Variants in NEGR1 observed in about 807,000 individuals in gnomAD.
NEGR1 encodes neuronal growth regulator 1, also known as IgLON family member 4.
In NEGR1, 10 loss-of-function variants were observed where a neutral mutation model predicts 40.9. The ratio of observed to expected loss-of-function variants is 0.24; its 90% CI spans 0.15 to 0.42. The LOEUF (loss-of-function observed/expected upper bound fraction) is 0.42, where lower values mean the gene tolerates loss of function less well. Among genes scored for constraint, NEGR1 ranks in the 10% least tolerant of loss-of-function variants. The pLI, the probability that NEGR1 is intolerant of heterozygous loss-of-function variation, is 1.00. For missense variants in NEGR1, 352 were observed against 438.9 expected (o/e 0.80, Z 1.77); for synonymous variants, 185 against 166.8 (o/e 1.11, Z -0.84).
rs1318403139 is a variant in NEGR1, at chr1:71,921,544, T to G, written c.409+13535A>C. 2.0e-5 allele frequency among the ~76,000 whole-genome samples: 3 copies of G among 151,846 alleles called. No individual in the cohort carries two copies. The East Asian group carries it at 5.8e-4, about 29-fold the overall frequency. On this transcript the variant is annotated intron_variant, in intron 2 of 6. Transcript: ENST00000357731. Reference sequence around the variant, plus strand: ...TGTTCCACTTTTATTTAATGAATACTAAATATATTTTCTCTTTTCTGTGAT... The same window carrying G: ...TGTTCCACTTTTATTTAATGAATACGAAATATATTTTCTCTTTTCTGTGAT...
intron 4 of NEGR1, among the ~76,000 whole-genome samples, chr1:71,691,287 T>C (rs557091452): frequency 1.3e-5 from 2 of 152,096 alleles, no homozygotes; most frequent in Non-Finnish European, 2.9e-5. Flanking sequence ...CAGAATTAAA[T>C]GTTAACTTTT....
chr1:71,914,003 A>G (rs1350842090), intron 2 of NEGR1, among the ~76,000 whole-genome samples: 1 of 152,200 alleles, frequency 6.6e-6, no homozygotes, highest in Non-Finnish European at 1.5e-5. Flanking sequence ...CATTAACATA[A>G]CAATTGCTAA....
At chr1:72,218,947 C>G (rs1032569380) in intron 1 of NEGR1, among the ~76,000 whole-genome samples, 4 of 151,982 alleles carry the variant, frequency 2.6e-5, no homozygotes, top group Admixed American at 2.0e-4. Context: ...TTCACAAATG[C>G]ACACAAGAAC....
At chr1:71,846,734 G>A (rs1659426978) in intron 2 of NEGR1, among the ~76,000 whole-genome samples, 1 of 152,150 alleles carries the variant, frequency 6.6e-6, no homozygotes, top group Non-Finnish European at 1.5e-5. Flanking sequence ...CAGGCTCTGT[G>A]CCCGGTGAGG....
At chr1:71,770,203 A>G (rs1202292091) in intron 3 of NEGR1, among the ~76,000 whole-genome samples, 1 of 152,204 alleles carries the variant, frequency 6.6e-6, no homozygotes, top group East Asian at 1.9e-4. Flanking sequence ...AAGATCTATG[A>G]GCCTACTTGT....
chr1:71,935,120 T>C lies in NEGR1; in HGVS notation c.368A>G (p.Gln123Arg). ...CACCTGCATTGTTCTGGGTGTATGT[T>C]GAGTCTGAACAGAACACGTGTATGG... ...DGPYTCSVQT[Q>R]HTPRTMQVHL... Residue 123 changes from glutamine to arginine, a missense_variant, in exon 2 of 7, where the codon CAA becomes CGA. Physicochemically the swap from Gln to Arg is conservative, Grantham distance 43. Around this residue, in one of 5 missense-constraint regions of NEGR1, gnomAD observed 50 missense variants for 53.0 expected, o/e 0.94. Transcript: ENST00000357731. 6.2e-7 allele frequency: 1 copy of C among 1,613,446 alleles called. No homozygotes were observed. The highest frequency in any genetic ancestry group is 8.5e-7 in the Non-Finnish European group (1 of 1,179,400).
At chr1:72,150,203 A>T (rs569453715) in intron 1 of NEGR1, among the ~76,000 whole-genome samples, 4 of 152,226 alleles carry the variant, frequency 2.6e-5, no homozygotes, top group Admixed American at 6.5e-5. Context: ...ATCACCACCA[A>T]TCCTGCCACC....
At chr1:71,445,239 C>CAGAA (rs1427391599) in intron 6 of NEGR1, among the ~76,000 whole-genome samples, 1 of 151,498 alleles carries the variant, frequency 6.6e-6, no homozygotes, top group African/African-American at 2.4e-5. Flanking sequence ...CTTGTCTTCT[C>CAGAA]AGAAACTGCA....
intron 1 of NEGR1, among the ~76,000 whole-genome samples, chr1:72,238,871 C>T (rs1180961681): frequency 6.6e-6 from 1 of 151,840 alleles, no homozygotes; most frequent in African/African-American, 2.4e-5. Context: ...AATATCAAAG[C>T]TGTGGCACAG....
intron 6 of NEGR1, among the ~76,000 whole-genome samples, chr1:71,535,765 C>G (rs1647491653): frequency 6.6e-6 from 1 of 151,612 alleles, no homozygotes; most frequent in Non-Finnish European, 1.5e-5. Context: ...AGCTAGATTC[C>G]TTGATGTGAG....
intron 2 of NEGR1, among the ~76,000 whole-genome samples, chr1:71,903,908 C>T (rs911426763): frequency 4.6e-5 from 7 of 151,868 alleles, no homozygotes; most frequent in African/African-American, 1.7e-4. Flanking sequence ...TTGACTTTAA[C>T]GTTAGTGTGC....
At chr1:72,012,725 T>A (rs1646667830) in intron 1 of NEGR1, among the ~76,000 whole-genome samples, 1 of 151,770 alleles carries the variant, frequency 6.6e-6, no homozygotes, top group Admixed American at 6.6e-5. Context: ...TCTGCATATA[T>A]TTTTTCCAGA....
chr1:72,080,551 T>C (rs1011952251), intron 1 of NEGR1, among the ~76,000 whole-genome samples: 1 of 152,106 alleles, frequency 6.6e-6, no homozygotes, highest in Non-Finnish European at 1.5e-5. Context: ...AAAAGTATAG[T>C]GAATTATGCA....
chr1:71,858,394 A>G (rs1190245803), intron 2 of NEGR1, among the ~76,000 whole-genome samples: 1 of 152,096 alleles, frequency 6.6e-6, no homozygotes, highest in Non-Finnish European at 1.5e-5. Context: ...AGAGCAATGC[A>G]TTTGTGTAGC....
intron 1 of NEGR1, among the ~76,000 whole-genome samples, chr1:72,154,078 C>T (rs901461422): frequency 3.3e-5 from 5 of 151,364 alleles, no homozygotes; most frequent in South Asian, 2.1e-4. Context: ...ATTGCAGATG[C>T]GTGGGGAGAT....
Position 71,731,093 on chromosome 1 carries a change from T to A in NEGR1, c.536-32954A>T, listed in dbSNP as rs1035262883. Among the ~76,000 whole-genome samples, 5 of 152,240 alleles carry A rather than the reference T, an allele frequency of 3.3e-5. No individual in the cohort carries two copies. In the East Asian group the frequency reaches 9.7e-4, roughly 29 times the overall value. ...AAACTTGTGGGATTTTGTTCTTAAATGGATTAGTGCTTTCAACAATTTAAT... is the reference window on the plus strand; with the variant it reads ...AAACTTGTGGGATTTTGTTCTTAAAAGGATTAGTGCTTTCAACAATTTAAT... On this transcript the variant is annotated intron_variant, in intron 3 of 6. Coordinates refer to ENST00000357731, the MANE Select transcript of NEGR1 (RefSeq NM_173808.3).
At chr1:72,206,041 T>C (rs1419184830) in intron 1 of NEGR1, among the ~76,000 whole-genome samples, 1 of 151,330 alleles carries the variant, frequency 6.6e-6, no homozygotes, top group Non-Finnish European at 1.5e-5. Flanking sequence ...ATAAGATATC[T>C]ACTATCTGGG....
Position 71,759,124 on chromosome 1 carries a change from G to A in NEGR1, c.535+17048C>T, listed in dbSNP as rs147926920. Among the ~76,000 whole-genome samples, 23 of 152,116 alleles carry A rather than the reference G, an allele frequency of 1.5e-4. No homozygotes were observed. In the East Asian group the frequency reaches 4.5e-3, roughly 29 times the overall value. On this transcript the variant is annotated intron_variant, in intron 3 of 6. Coordinates refer to ENST00000357731, the MANE Select transcript of NEGR1 (RefSeq NM_173808.3). ...TAAATAATACTTAATGTAAGTATTA[G>A]ATGGACTCATTGTATACATTGGTAG...
At chr1:71,469,122 T>G (rs1026211363) in intron 6 of NEGR1, among the ~76,000 whole-genome samples, 1 of 152,078 alleles carries the variant, frequency 6.6e-6, no homozygotes, top group East Asian at 1.9e-4. Context: ...TGATTCATGA[T>G]AACAGCCTCC....
Sources: gnomAD v4.1 joint callset for allele counts (sites outside exome capture counted in the v4.1 genomes callset) on GRCh38, gnomAD v4.1.1 for gene constraint, gnomAD v4.1.1 regional missense constraint, MANE v1.5 for transcripts, NCBI Gene and HGNC (gene_info 2026-07-23, HGNC 2026-07-21) for gene names.